Variants in SUGCT observed in about 807,000 individuals in gnomAD.
SUGCT encodes the protein succinyl-CoA:glutarate CoA-transferase.
In SUGCT, 41 loss-of-function variants were observed where a neutral mutation model predicts 55.0. The ratio of observed to expected loss-of-function variants is 0.74; its 90% CI spans 0.58 to 0.97. The LOEUF (loss-of-function observed/expected upper bound fraction) is 0.97, where lower values mean the gene tolerates loss of function less well. SUGCT is among the 50% of genes least tolerant of loss of function. The probability of loss-of-function intolerance (pLI) is 0.00; values close to 1 mark genes in which losing one functional copy is unlikely to be tolerated. For missense variants in SUGCT, 568 were observed against 547.8 expected (o/e 1.04, Z -0.37); for synonymous variants, 187 against 200.4 (o/e 0.93, Z 0.56).
intron 9 of SUGCT, among the ~76,000 whole-genome samples, chr7:40,373,337 T>G: frequency 6.6e-6 from 1 of 152,236 alleles, no homozygotes; most frequent in Middle Eastern, 3.4e-3. Flanking sequence ...TCTAGAAAAT[T>G]TAGAATCTAT....
In SUGCT at chr7:40,737,218, C is replaced by G. The variant is rs138071390; in HGVS notation, c.1090-12216C>G. 4.3e-4 allele frequency among the ~76,000 whole-genome samples: 66 copies of G among 152,210 alleles called. No individual in the cohort carries two copies. In the East Asian group the frequency reaches 9.5e-3, roughly 22 times the overall value. On this transcript the variant is annotated intron_variant, in intron 12 of 13. Transcript: ENST00000335693. ...TTCGACATTGAATCACACTACATTC[C>G]TTTGATAAACACATTTGATCAAACT...
At chr7:40,909,520 G>A in the SUGCT span, among the ~76,000 whole-genome samples, 2 of 152,178 alleles carry the variant, frequency 1.3e-5, no homozygotes, top group Non-Finnish European at 2.9e-5. Flanking sequence ...TACAACTGAG[G>A]TGTGGGCTGC....
At chr7:40,911,319 C>G in the SUGCT span, among the ~76,000 whole-genome samples, 46 of 152,240 alleles carry the variant, frequency 3.0e-4, no homozygotes, top group African/African-American at 1.0e-3. Flanking sequence ...CTCTTCTGAA[C>G]TTTGAGTACA....
At chr7:40,142,077 G>A (rs1788017579) in intron 1 of SUGCT, among the ~76,000 whole-genome samples, 1 of 152,128 alleles carries the variant, frequency 6.6e-6, no homozygotes, top group Non-Finnish European at 1.5e-5. Flanking sequence ...ATGAGTCAGG[G>A]TGGAGAATGA....
intron 12 of SUGCT, among the ~76,000 whole-genome samples, chr7:40,595,579 G>A (rs1301718693): frequency 1.3e-5 from 2 of 151,446 alleles, no homozygotes; most frequent in African/African-American, 2.4e-5. Context: ...CCTTTATGTT[G>A]TGTATCTCAA....
chr7:40,610,253 A>G (rs542964314), intron 12 of SUGCT, among the ~76,000 whole-genome samples: 9 of 152,316 alleles, frequency 5.9e-5, no homozygotes, highest in Middle Eastern at 6.8e-3. Context: ...CATTAAGGAA[A>G]TATTTATACA....
At chr7:40,604,240 A>G (rs1798422053) in intron 12 of SUGCT, among the ~76,000 whole-genome samples, 1 of 152,186 alleles carries the variant, frequency 6.6e-6, no homozygotes. Flanking sequence ...TTCATGATTA[A>G]CAGAGCAGAC....
In SUGCT at chr7:40,530,768, C is replaced by A. The variant is rs1256504621; in HGVS notation, c.1089+34382C>A. On this transcript the variant is annotated intron_variant, in intron 12 of 13. Transcript: ENST00000335693. ...GGTTTAAATTTTAGATTCAGCTAATCTAAACTAAATCCCTTCTATATCACA... is the reference window on the plus strand; with the variant it reads ...GGTTTAAATTTTAGATTCAGCTAATATAAACTAAATCCCTTCTATATCACA... 2.0e-5 allele frequency among the ~76,000 whole-genome samples: 3 copies of A among 152,324 alleles called. No homozygotes were observed. In the East Asian group the frequency reaches 5.8e-4, roughly 29 times the overall value.
Position 40,725,149 on chromosome 7 carries a change from G to T in SUGCT, c.1090-24285G>T, listed in dbSNP as rs537338714. Among the ~76,000 whole-genome samples the T allele has an allele frequency of 8.9e-3, 1,350 of 152,192 alleles. 14 individuals are homozygous for T. Among genetic ancestry groups the T allele is most frequent in the African/African-American group, 0.031 (1,271 of 41,536 alleles). Reference sequence around the variant, plus strand: ...AACACATATGGTAGTGTTCTCAAGCGGTTATAGAATGTAGAATTTTGCTAC... The same window carrying T: ...AACACATATGGTAGTGTTCTCAAGCTGTTATAGAATGTAGAATTTTGCTAC... On this transcript the variant is annotated intron_variant, in intron 12 of 13. Coordinates refer to ENST00000335693, the MANE Select transcript of SUGCT (RefSeq NM_001193313.2).
intron 11 of SUGCT, among the ~76,000 whole-genome samples, chr7:40,488,286 C>T (rs751766760): frequency 1.3e-5 from 2 of 151,912 alleles, no homozygotes; most frequent in African/African-American, 2.4e-5. Flanking sequence ...AGTTATAGCA[C>T]GTAACAATAG....
At chr7:40,578,996 C>T (rs1369267528) in intron 12 of SUGCT, among the ~76,000 whole-genome samples, 1 of 152,142 alleles carries the variant, frequency 6.6e-6, no homozygotes, top group Non-Finnish European at 1.5e-5. Flanking sequence ...TTAATTCATG[C>T]CTGCAATGTA....
At chr7:40,580,746 G>A (rs1226536617) in intron 12 of SUGCT, among the ~76,000 whole-genome samples, 2 of 152,146 alleles carry the variant, frequency 1.3e-5, no homozygotes, top group South Asian at 2.1e-4. Context: ...GGTTCTATGA[G>A]ATTACAACTA....
intron 6 of SUGCT, among the ~76,000 whole-genome samples, chr7:40,197,943 G>A (rs966178350): frequency 6.6e-6 from 1 of 152,160 alleles, no homozygotes; most frequent in Non-Finnish European, 1.5e-5. Context: ...TTAATGATTG[G>A]AGAGTCTCTA....
chr7:40,868,662 C>T, the SUGCT span, among the ~76,000 whole-genome samples: 2 of 152,302 alleles, frequency 1.3e-5, no homozygotes, highest in South Asian at 2.1e-4. Context: ...TCTCCCATCT[C>T]AGCTTCCTGA....
intron 12 of SUGCT, among the ~76,000 whole-genome samples, chr7:40,638,535 G>A (rs1230387770): frequency 6.6e-6 from 1 of 152,184 alleles, no homozygotes; most frequent in East Asian, 1.9e-4. Context: ...GTTCCAAGGT[G>A]TTAAAAGCTT....
At chr7:40,689,945 T>G (rs568509104) in intron 12 of SUGCT, among the ~76,000 whole-genome samples, 1 of 152,316 alleles carries the variant, frequency 6.6e-6, no homozygotes, top group East Asian at 1.9e-4. Context: ...ATAGGATCAG[T>G]TCCCTATGTC....
At chr7:40,400,572 A>G (rs1433375640) in intron 9 of SUGCT, among the ~76,000 whole-genome samples, 1 of 152,184 alleles carries the variant, frequency 6.6e-6, no homozygotes, top group Non-Finnish European at 1.5e-5. Context: ...CATGAGAGCC[A>G]ACTTCTATCT....
chr7:40,538,575 G>A (rs1256637331), intron 12 of SUGCT: 1 of 152,176 alleles, frequency 6.6e-6, no homozygotes, highest in Non-Finnish European at 1.5e-5. Context: ...TTGAAGCAAT[G>A]TAAAACAAAA....
intron 1 of SUGCT, among the ~76,000 whole-genome samples, chr7:40,146,936 TTCTA>T (rs1358132625): frequency 1.3e-5 from 2 of 152,160 alleles, no homozygotes; most frequent in Non-Finnish European, 2.9e-5. Flanking sequence ...TCTTTACTAC[TTCTA>T]TCTCTCTCCT....
Sources: allele counts gnomAD v4.1 joint callset (sites outside exome capture counted in the v4.1 genomes callset), GRCh38; gene constraint gnomAD v4.1.1; transcripts MANE v1.5; gene names NCBI Gene and HGNC (gene_info 2026-07-23, HGNC 2026-07-21).